Variants in TTC8 observed in about 807,000 individuals in gnomAD.
TTC8 encodes the protein tetratricopeptide repeat domain 8, also known as tetratricopeptide repeat protein 8.
A neutral mutation model predicts 72.5 loss-of-function variants in TTC8; 47 were observed. The observed-to-expected ratio is 0.65, with a 90% confidence interval of 0.51 to 0.83. The LOEUF (loss-of-function observed/expected upper bound fraction) is 0.83, where lower values mean the gene tolerates loss of function less well. TTC8 is among the 40% of genes least tolerant of loss of function. The pLI is 0.00. For missense variants in TTC8, 611 were observed against 623.2 expected (o/e 0.98, Z 0.21); for synonymous variants, 199 against 221.4 (o/e 0.90, Z 0.90).
At chr14:88,879,267 T>C (rs1287964513), downstream of TTC8, 2 of 152,284 alleles carry the variant, frequency 1.3e-5, no homozygotes, top group African/African-American at 4.8e-5. Context: ...TGTAACAACA[T>C]TTCCTATGGA....
At chr14:88,827,397 A>G (rs2094706450) in intron 1 of TTC8, among the ~76,000 whole-genome samples, 1 of 152,196 alleles carries the variant, frequency 6.6e-6, no homozygotes. Flanking sequence ...GATCTGGAGG[A>G]AATTTGATAT....
chr14:88,872,423 C>A lies in TTC8; in HGVS notation c.1318C>A (p.Leu440Met). The A allele has an allele frequency of 6.2e-7, 1 of 1,613,986 alleles. No individual in the cohort carries two copies. The highest frequency in any genetic ancestry group is 8.5e-7 in the Non-Finnish European group (1 of 1,179,916). The change falls in exon 13 of 15, where the codon CTG (leucine) becomes ATG (methionine). Residue 440 changes from leucine (L) to methionine (M), a missense_variant. Coordinates refer to ENST00000380656, the MANE Select transcript of TTC8 (RefSeq NM_144596.4). Reference protein sequence around the residue: ...HAEAYNNLAVLEMRKGHVEQA... With the variant: ...HAEAYNNLAVMEMRKGHVEQA... ...CGAGGCCTACAACAACCTGGCTGTG[C>A]TGGAGATGCGGAAGGGCCACGTTGA...
At position 88,871,459 on chromosome 14, in the gene TTC8, C is replaced by A; in HGVS notation, c.1050-90C>A. 1 of 1,160,088 alleles carries A rather than the reference C, an allele frequency of 8.6e-7. No homozygotes were observed. Among genetic ancestry groups the A allele is most frequent in the South Asian group, 1.4e-5 (1 of 73,278 alleles). The allele number at this position is 1,160,088 out of a possible 1,614,324, so 71.9% of individuals were successfully genotyped here. On this transcript the variant is annotated intron_variant, in intron 11 of 14. Coordinates refer to ENST00000380656, the MANE Select transcript of TTC8 (RefSeq NM_144596.4). The surrounding 1 kb of genome is among the most constrained non-coding windows in gnomAD (Gnocchi z 4.1). ...AGTATCAAAAATCACAAGATGAATTCATTTTTAACTGTGTAAAATATATAT... is the reference window on the plus strand; with the variant it reads ...AGTATCAAAAATCACAAGATGAATTAATTTTTAACTGTGTAAAATATATAT...
intron 7 of TTC8, 44 bp downstream of exon 7, chr14:88,843,894 TG>T (rs770296360): frequency 7.1e-7 from 1 of 1,404,252 alleles, no homozygotes. Context: ...GTAATTTTTC[TG>T]ACTTTGGAAG....
At chr14:88,833,819 C>A in intron 2 of TTC8, 97 bp downstream of exon 2, 1 of 1,095,968 alleles carries the variant, frequency 9.1e-7, no homozygotes, top group Non-Finnish European at 1.4e-6. Context: ...GCATATCTTC[C>A]TGTGGGTTTA....
chr14:88,836,144 A>G (rs2094749781), intron 2 of TTC8, among the ~76,000 whole-genome samples: 1 of 152,176 alleles, frequency 6.6e-6, no homozygotes, highest in Non-Finnish European at 1.5e-5. Flanking sequence ...AATTAAATTA[A>G]TATTTTTCTA....
chr14:88,824,403 A>G (rs897061735), upstream of TTC8, among the ~76,000 whole-genome samples: 1 of 151,832 alleles, frequency 6.6e-6, no homozygotes, highest in Non-Finnish European at 1.5e-5. Context: ...AGGGTGGGGG[A>G]CCCCAGGGGC....
chr14:88,879,014 A>AC, downstream of TTC8: 2 of 152,208 alleles, frequency 1.3e-5, no homozygotes, highest in Admixed American at 6.5e-5. Context: ...TTCTGCTGTA[A>AC]ATAAATCTAC....
At chr14:88,862,107 A>T (rs901360920) in intron 10 of TTC8, among the ~76,000 whole-genome samples, 1 of 152,096 alleles carries the variant, frequency 6.6e-6, no homozygotes, top group Admixed American at 6.5e-5. Context: ...ACAGTGTATG[A>T]GCATTCATTC....
At chr14:88,844,851 C>T (rs2094798708) in intron 7 of TTC8, among the ~76,000 whole-genome samples, 1 of 152,074 alleles carries the variant, frequency 6.6e-6, no homozygotes, top group African/African-American at 2.4e-5. Flanking sequence ...CATAGCCATC[C>T]CCTTAATTGT....
At chr14:88,861,163 T>A in intron 9 of TTC8, 59 bp from the exon 10 acceptor site, 2 of 1,234,622 alleles carry the variant, frequency 1.6e-6, no homozygotes, top group South Asian at 2.6e-5. Flanking sequence ...ATTATAAATG[T>A]CATAACAAAT....
intron 7 of TTC8, among the ~76,000 whole-genome samples, chr14:88,851,250 C>G (rs889178363): frequency 6.6e-6 from 1 of 152,142 alleles, no homozygotes; most frequent in Non-Finnish European, 1.5e-5. Context: ...AGAGTTCAGT[C>G]CTTAGCAGCC....
Position 88,877,448 on chromosome 14 carries a change from T to A in TTC8, c.*38T>A. On this transcript the variant is annotated 3_prime_UTR_variant, in exon 15 of 15. Coordinates refer to ENST00000380656, the MANE Select transcript of TTC8 (RefSeq NM_144596.4). ...CCACATATGTTCTTATGAAGCAGCA[T>A]TATGCAAGGGGAAAAAAGCACTATG... The A allele has an allele frequency of 6.5e-7, 1 of 1,534,524 alleles. No homozygotes were observed. The highest frequency in any genetic ancestry group is 1.1e-5 in the South Asian group (1 of 89,422).
chr14:88,872,240 T>C, intron 12 of TTC8, 90 bp from the exon 13 acceptor site: 2 of 1,564,810 alleles, frequency 1.3e-6, no homozygotes, highest in Middle Eastern at 1.7e-4. Context: ...TTGATGCTTT[T>C]TGTCTGGTAG....
chr14:88,853,362 C>T (rs1276418279), intron 8 of TTC8, among the ~76,000 whole-genome samples: 1 of 152,148 alleles, frequency 6.6e-6, no homozygotes, highest in Non-Finnish European at 1.5e-5. Flanking sequence ...AGTAACAGAC[C>T]AGGGACTAGA....
intron 1 of TTC8, chr14:88,830,934 C>T (rs752840674): frequency 1.5e-5 from 7 of 455,902 alleles, no homozygotes; most frequent in South Asian, 3.1e-5. Context: ...CCACATCCTA[C>T]GGTAGTCTGT....
At chr14:88,838,557 C>T (rs1342504044) in intron 2 of TTC8, among the ~76,000 whole-genome samples, 2 of 152,106 alleles carry the variant, frequency 1.3e-5, no homozygotes, top group Non-Finnish European at 2.9e-5. Flanking sequence ...GCTGCAGCTT[C>T]AAGAGTTGCC....
chr14:88,877,502 C>A lies in TTC8; in HGVS notation c.*92C>A. 1 of 1,037,794 alleles carries A rather than the reference C, an allele frequency of 9.6e-7. No homozygotes were observed. 64.3% of individuals were successfully genotyped at this position (1,037,794 alleles called of 1,614,324 possible). ...GTGTATGTATGTATATAGTGTAATA[C>A]GTATATTTTAACAAACCTGTCCTTG... On this transcript the variant is annotated 3_prime_UTR_variant, in exon 15 of 15. Transcript: ENST00000380656.
In TTC8 at chr14:88,824,720, A is replaced by T. The variant is rs1170078688; in HGVS notation, c.13A>T (p.Met5Leu). Residue 5 changes from methionine to leucine, a missense_variant, in exon 1 of 15, where the codon ATG (methionine) becomes TTG (leucine). By Grantham distance (15) the Met-to-Leu change is conservative. Coordinates refer to ENST00000380656, the MANE Select transcript of TTC8 (RefSeq NM_144596.4). ...CGCACCGGCAGCCATGAGCTCGGAG[A>T]TGGAGCCGCTGCTCCTGGCCTGGAG... MSSE[M>L]EPLLLAWSYF... 6.2e-7 allele frequency: 1 copy of T among 1,608,906 alleles called. No individual in the cohort carries two copies. The highest frequency in any genetic ancestry group is 1.3e-5 in the African/African-American group (1 of 74,820).
Sources: gnomAD v4.1 joint callset for allele counts (sites outside exome capture counted in the v4.1 genomes callset) on GRCh38, gnomAD v4.1.1 for gene constraint, Gnocchi (gnomAD v3.1) non-coding constraint, MANE v1.5 for transcripts, NCBI Gene and HGNC (gene_info 2026-07-23, HGNC 2026-07-21) for gene names.